FAM228B: variants seen among roughly 807,000 people sequenced by gnomAD.
FAM228B encodes the protein family with sequence similarity 228 member B.
FAM228B carries 38 observed loss-of-function variants against 42.6 expected under a neutral mutation model. That is an observed-to-expected ratio of 0.89 (90% CI 0.69 to 1.17). The LOEUF (loss-of-function observed/expected upper bound fraction) is 1.17. Among genes scored for constraint, FAM228B ranks in the 50% most tolerant of loss-of-function variants. The pLI, the probability that FAM228B is intolerant of heterozygous loss-of-function variation, is 0.00. For missense variants in FAM228B, 344 were observed against 367.3 expected (o/e 0.94, Z 0.52); for synonymous variants, 109 against 122.3 (o/e 0.89, Z 0.72).
chr2:24,094,782 C>T (rs1424011611), intron 2 of FAM228B, among the ~76,000 whole-genome samples: 1 of 152,172 alleles, frequency 6.6e-6, no homozygotes, highest in African/African-American at 2.4e-5. Flanking sequence ...TTTGCCCAGC[C>T]TACATCAGGC....
At chr2:24,122,581 C>G, upstream of FAM228B, 1 of 1,343,986 alleles carries the variant, frequency 7.4e-7, no homozygotes, top group South Asian at 1.2e-5. Context: ...GCCATTGACT[C>G]TGGCTAGCTT....
intron 9 of FAM228B, chr2:24,165,782 C>T (rs1667389310): frequency 8.2e-6 from 2 of 243,908 alleles, no homozygotes; most frequent in Admixed American, 4.5e-5. Flanking sequence ...TGGCTCATGC[C>T]TATAATCCCA....
intron 2 of FAM228B, among the ~76,000 whole-genome samples, chr2:24,126,408 T>C (rs1468951981): frequency 6.6e-6 from 1 of 152,190 alleles, no homozygotes; most frequent in African/African-American, 2.4e-5. Context: ...TGACATCTCA[T>C]TGTGGTTTTA....
At chr2:24,118,667 A>C (rs1428779843), upstream of FAM228B, among the ~76,000 whole-genome samples, 1 of 152,214 alleles carries the variant, frequency 6.6e-6, no homozygotes, top group Non-Finnish European at 1.5e-5. Context: ...AGGAATTTGC[A>C]GAATAGATGT....
intron 5 of FAM228B, among the ~76,000 whole-genome samples, chr2:24,144,967 T>C (rs1225566098): frequency 6.6e-6 from 1 of 152,184 alleles, no homozygotes; most frequent in East Asian, 1.9e-4. Flanking sequence ...ACGCGCCAAC[T>C]GGTGGTCTGG....
intron 2 of FAM228B, among the ~76,000 whole-genome samples, chr2:24,091,704 A>G (rs1665395169): frequency 6.6e-6 from 1 of 151,212 alleles, no homozygotes; most frequent in Non-Finnish European, 1.5e-5. Context: ...CAAAAATTAT[A>G]TAATGAAGAC....
At position 24,139,465 on chromosome 2, in the gene FAM228B, T is replaced by C. The variant is rs1385516534; in HGVS notation, c.441+15T>C. 6.8e-7 allele frequency: 1 copy of C among 1,463,408 alleles called. No individual in the cohort carries two copies. The highest frequency in any genetic ancestry group is 1.4e-5 in the African/African-American group (1 of 71,158). The allele number at this position is 1,463,408 out of a possible 1,614,324, so 90.7% of individuals were successfully genotyped here. A position where few individuals can be genotyped will look rare whatever the true frequency, so the allele number is the denominator to read the frequency against. The stretch of plus-strand genomic sequence containing the variant: ...ATTTTCTGAAGGTAGGGTAGATTTC[T>C]TTTTTTTAACTTTGGTATTATGTGT... On this transcript the variant is annotated intron_variant, in intron 5 of 10. Transcript: ENST00000615575.
chr2:24,139,068 A>C (rs1042448097), intron 4 of FAM228B, among the ~76,000 whole-genome samples: 2 of 152,120 alleles, frequency 1.3e-5, no homozygotes, highest in Non-Finnish European at 2.9e-5. Context: ...TTCTTCTAGC[A>C]TTTTTTTAAA....
chr2:24,118,481 A>G (rs997684534), upstream of FAM228B, among the ~76,000 whole-genome samples: 1 of 152,232 alleles, frequency 6.6e-6, no homozygotes, highest in African/African-American at 2.4e-5. Context: ...ACCCAACATC[A>G]GACACTGTGT....
At chr2:24,097,268 C>T (rs1214088836) in intron 3 of FAM228B, 1 of 152,066 alleles carries the variant, frequency 6.6e-6, no homozygotes, top group Admixed American at 6.5e-5. Flanking sequence ...CAAATTCACA[C>T]ATAACGATAT....
chr2:24,126,974 TA>T (rs908427809), intron 2 of FAM228B, among the ~76,000 whole-genome samples: 1 of 152,184 alleles, frequency 6.6e-6, no homozygotes, highest in African/African-American at 2.4e-5. Context: ...TATTTTTTTT[TA>T]AATTCAGAAT....
intron 2 of FAM228B, among the ~76,000 whole-genome samples, chr2:24,088,253 T>G (rs919175231): frequency 1.3e-5 from 2 of 152,112 alleles, no homozygotes; most frequent in African/African-American, 4.8e-5. Context: ...GATGGTGTGG[T>G]GTACCCCAAC....
At chr2:24,098,970 G>T (rs1450794353) in intron 3 of FAM228B, among the ~76,000 whole-genome samples, 1 of 152,176 alleles carries the variant, frequency 6.6e-6, no homozygotes, top group Non-Finnish European at 1.5e-5. Flanking sequence ...ATGCAAGGCT[G>T]GTTCAACATA....
rs2151032552 is a variant in FAM228B, at chr2:24,164,332, A to G, written c.929A>G (p.Asp310Gly). 6.5e-7 allele frequency: 1 copy of G among 1,550,296 alleles called. No individual in the cohort carries two copies. The highest frequency in any genetic ancestry group is 8.7e-7 in the Non-Finnish European group (1 of 1,146,314). The change falls in exon 9 of 11, where the codon GAT becomes GGT. Residue 310 changes from aspartate to glycine, a missense_variant. Transcript: ENST00000615575. ...AGCCAGGAACGGGAGGAAGACCAGG[A>G]TGGGTAAGAGCTGGGGCTGTCCCAT... The part of the protein sequence containing the change: ...SLSQEREEDQ[D>G]GSPSPRLGLL...
In FAM228B at chr2:24,084,347, AGGG is replaced by A; in HGVS notation, c.-210+3393_-210+3395del. The A allele has an allele frequency of 1.4e-6, 2 of 1,409,126 alleles. No individual in the cohort carries two copies. The highest frequency in any genetic ancestry group is 1.9e-6 in the Non-Finnish European group (2 of 1,035,832). The allele number at this position is 1,409,126 out of a possible 1,614,324, so 87.3% of individuals were successfully genotyped here. A position where few individuals can be genotyped will look rare whatever the true frequency, so the allele number is the denominator to read the frequency against. ...AACATATTGTCTGAGGACACAGGGC[AGGG>A]CAGGGCAGGACAGGACAGGGCAGGG... On this transcript the variant is annotated intron_variant, in intron 2 of 10. Transcript: ENST00000613899. The surrounding 1 kb of genome is among the most constrained non-coding windows in gnomAD (Gnocchi z 8.4).
At chr2:24,159,629 T>C (rs1431410670) in intron 7 of FAM228B, among the ~76,000 whole-genome samples, 2 of 152,090 alleles carry the variant, frequency 1.3e-5, no homozygotes, top group Admixed American at 6.5e-5. Flanking sequence ...GTAGCAGATA[T>C]AGGTATGGGA....
At chr2:24,135,936 C>T (rs1057453545) in intron 3 of FAM228B, among the ~76,000 whole-genome samples, 5 of 115,456 alleles carry the variant, frequency 4.3e-5, no homozygotes, top group Admixed American at 1.8e-4. Flanking sequence ...CCTCTTTACT[C>T]TTGCCTTTTT....
chr2:24,082,652 G>A (rs140081038), intron 2 of FAM228B, among the ~76,000 whole-genome samples: 2 of 152,248 alleles, frequency 1.3e-5, no homozygotes, highest in African/African-American at 2.4e-5. Flanking sequence ...TCTGCTGGGC[G>A]TCCGGTGTTA....
At chr2:24,145,368 G>A (rs989652528) in intron 5 of FAM228B, among the ~76,000 whole-genome samples, 1 of 152,160 alleles carries the variant, frequency 6.6e-6, no homozygotes, top group Non-Finnish European at 1.5e-5. Flanking sequence ...CACCACTGAC[G>A]CTGTTTGCAG....
Sources: allele counts gnomAD v4.1 joint callset (sites outside exome capture counted in the v4.1 genomes callset), GRCh38; gene constraint gnomAD v4.1.1; non-coding constraint Gnocchi (gnomAD v3.1); transcripts MANE v1.5; gene names NCBI Gene and HGNC (gene_info 2026-07-23, HGNC 2026-07-21).